TOMM20L: variants seen among roughly 807,000 people sequenced by gnomAD.
The protein encoded by TOMM20L is TOMM20-like protein 1.
In TOMM20L, 19 loss-of-function variants were observed where a neutral mutation model predicts 20.4. That is an observed-to-expected ratio of 0.93 (90% CI 0.65 to 1.36). The LOEUF is 1.36. Among genes scored for constraint, TOMM20L ranks in the 40% most tolerant of loss-of-function variants. The pLI, the probability that TOMM20L is intolerant of heterozygous loss-of-function variation, is 0.00. For missense variants in TOMM20L, 218 were observed against 203.7 expected (o/e 1.07, Z -0.43); for synonymous variants, 75 against 79.6 (o/e 0.94, Z 0.30).
At chr14:58,403,429 CTTAT>C (rs1461760320) in intron 3 of TOMM20L, among the ~76,000 whole-genome samples, 1 of 152,180 alleles carries the variant, frequency 6.6e-6, no homozygotes, top group African/African-American at 2.4e-5. Flanking sequence ...ATTCTTAATA[CTTAT>C]TTACTTTGTT....
intron 3 of TOMM20L, among the ~76,000 whole-genome samples, chr14:58,405,018 G>T (rs534794349): frequency 2.0e-5 from 3 of 151,396 alleles, no homozygotes; most frequent in South Asian, 4.2e-4. Context: ...GCCCAGGCTG[G>T]AGTGCAATGG....
At chr14:58,415,130 C>T in the TOMM20L span, among the ~76,000 whole-genome samples, 1 of 152,192 alleles carries the variant, frequency 6.6e-6, no homozygotes, top group Non-Finnish European at 1.5e-5. Context: ...TAACAAGAAA[C>T]TCCCTGCCCC....
At position 58,403,127 on chromosome 14, in the gene TOMM20L, C is replaced by T. The variant is rs960814089; in HGVS notation, c.262+366C>T. On this transcript the variant is annotated intron_variant, in intron 3 of 4. Coordinates refer to ENST00000360945, the MANE Select transcript of TOMM20L (RefSeq NM_207377.3). ...ATCCCAACACTTTGGGAGGCCAAGG[C>T]AAGAGGATTGCTTGAGGCCAACAGT... Among the ~76,000 whole-genome samples, 9 of 152,182 alleles carry T rather than the reference C, an allele frequency of 5.9e-5. 1 individual carries two copies. The East Asian group carries it at 1.8e-3, about 30-fold the overall frequency.
intron 2 of TOMM20L, among the ~76,000 whole-genome samples, chr14:58,400,629 C>G (rs1475908791): frequency 6.6e-6 from 1 of 151,968 alleles, no homozygotes; most frequent in East Asian, 1.9e-4. Flanking sequence ...CCTGTAATCC[C>G]AGCACTTTGG....
the TOMM20L span, among the ~76,000 whole-genome samples, chr14:58,416,680 T>C: frequency 1.3e-5 from 2 of 152,230 alleles, no homozygotes; most frequent in African/African-American, 4.8e-5. Context: ...AAACCATCTA[T>C]TGTGGTTCTA....
intron 2 of TOMM20L, among the ~76,000 whole-genome samples, chr14:58,399,582 C>G (rs1475868262): frequency 6.6e-6 from 1 of 151,952 alleles, no homozygotes; most frequent in Non-Finnish European, 1.5e-5. Flanking sequence ...TATTCTTCCC[C>G]CTCTCCCTAG....
At chr14:58,396,453 G>A in intron 2 of TOMM20L, 112 bp downstream of exon 2, 1 of 1,232,326 alleles carries the variant, frequency 8.1e-7, no homozygotes, top group Non-Finnish European at 1.2e-6. Context: ...TCAGCCGCCC[G>A]TGCCCGGGAA....
Position 58,396,282 on chromosome 14 carries a change from C to T in TOMM20L, c.137-16C>T. On this transcript the variant is annotated splice_polypyrimidine_tract_variant and intron_variant, in intron 1 of 4. Coordinates refer to ENST00000360945, the MANE Select transcript of TOMM20L (RefSeq NM_207377.3). Reference sequence around the variant, plus strand: ...GACGGGCCTCCCAGCCAGCATGTGCCGTGTTGTGTTCGCAGAAAGAAGAGC... The same window carrying T: ...GACGGGCCTCCCAGCCAGCATGTGCTGTGTTGTGTTCGCAGAAAGAAGAGC... 2 of 1,612,956 alleles carry T rather than the reference C, an allele frequency of 1.2e-6. No homozygotes were observed. Among genetic ancestry groups the T allele is most frequent in the South Asian group, 2.2e-5 (2 of 91,014 alleles).
chr14:58,413,158 A>C (rs1419232939), downstream of TOMM20L, among the ~76,000 whole-genome samples: 1 of 152,164 alleles, frequency 6.6e-6, no homozygotes. Flanking sequence ...AGCATTTTAC[A>C]CTTACACCAC....
intron 4 of TOMM20L, 60 bp from the exon 5 acceptor site, chr14:58,408,469 G>A: frequency 6.8e-7 from 1 of 1,469,878 alleles, no homozygotes. Context: ...ACACAAGGGA[G>A]GCAAGAAAAG....
At chr14:58,408,499 T>C (rs2140307983) in intron 4 of TOMM20L, 30 bp from the exon 5 acceptor site, 1 of 1,606,458 alleles carries the variant, frequency 6.2e-7, no homozygotes, top group South Asian at 1.1e-5. Flanking sequence ...TTGAAATGAT[T>C]AGCAAGTAAC....
chr14:58,405,403 C>T (rs1286930492), intron 3 of TOMM20L, among the ~76,000 whole-genome samples: 1 of 152,150 alleles, frequency 6.6e-6, no homozygotes, highest in Non-Finnish European at 1.5e-5. Flanking sequence ...CATTTTATTC[C>T]TATTCACTGT....
At chr14:58,414,736 C>CAAAAAAAAA in the TOMM20L span, among the ~76,000 whole-genome samples, 1 of 117,548 alleles carries the variant, frequency 8.5e-6, no homozygotes. Context: ...GACGCCATCT[C>CAAAAAAAAA]AAAAAAAAAA....
In TOMM20L at chr14:58,396,020, CT is replaced by C; in HGVS notation, c.65del (p.Phe22SerfsTer81). The C allele has an allele frequency of 6.9e-7, 1 of 1,451,998 alleles. No individual in the cohort carries two copies. The highest frequency in any genetic ancestry group is 9.1e-7 in the Non-Finnish European group (1 of 1,097,074). The allele number at this position is 1,451,998 out of a possible 1,614,324, so 89.9% of individuals were successfully genotyped here. On this transcript the variant is annotated frameshift_variant, in exon 1 of 5. Transcript: ENST00000360945. LOFTEE classifies it high-confidence loss of function. ...AAAAACGAFAFLGYCIYLNRK... is the reference protein window; with the variant it reads ...AAAAACGAFAXLGYCIYLNRK... ...CCGCGGCGGCCTGTGGCGCCTTCGC[CT>C]TCCTGGGCTATTGTATTTACCTCAA...
the TOMM20L span, among the ~76,000 whole-genome samples, chr14:58,415,292 C>T: frequency 6.6e-6 from 1 of 151,982 alleles, no homozygotes; most frequent in Non-Finnish European, 1.5e-5. Flanking sequence ...ACATGATATG[C>T]AAGATGTCCA....
intron 2 of TOMM20L, among the ~76,000 whole-genome samples, chr14:58,398,361 A>G: frequency 6.6e-6 from 1 of 152,192 alleles, no homozygotes; most frequent in Non-Finnish European, 1.5e-5. Context: ...AGGCAGAGGG[A>G]AACACCTTGT....
the TOMM20L span, among the ~76,000 whole-genome samples, chr14:58,414,037 G>T: frequency 4.0e-4 from 12 of 30,362 alleles, no homozygotes; most frequent in Non-Finnish European, 7.9e-4. Flanking sequence ...AAAAAAAAAA[G>T]GTTTGTATAA....
chr14:58,413,256 A>G (rs2036280199), downstream of TOMM20L, among the ~76,000 whole-genome samples: 1 of 152,212 alleles, frequency 6.6e-6, no homozygotes, highest in Non-Finnish European at 1.5e-5. Context: ...GTAGATTCAT[A>G]TATCTGAGCC....
At chr14:58,404,090 C>CATATATATAT in intron 3 of TOMM20L, among the ~76,000 whole-genome samples, 1 of 16,836 alleles carries the variant, frequency 5.9e-5, no homozygotes, top group South Asian at 2.4e-3. Context: ...TGTATATATA[C>CATATATATAT]ATATATATGT....
Sources: allele counts gnomAD v4.1 joint callset (sites outside exome capture counted in the v4.1 genomes callset), GRCh38; gene constraint gnomAD v4.1.1; transcripts MANE v1.5; gene names NCBI Gene and HGNC (gene_info 2026-07-23, HGNC 2026-07-21).